The following KCNQ3 variants were observed in gnomAD, a reference collection of about 807,000 sequenced individuals.
The protein encoded by KCNQ3 is potassium voltage-gated channel subfamily Q member 3, also known as potassium voltage-gated channel subfamily KQT member 3.
KCNQ3 carries 30 observed loss-of-function variants against 92.5 expected under a neutral mutation model. That is an observed-to-expected ratio of 0.32 (90% CI 0.24 to 0.44). KCNQ3 has a LOEUF of 0.44. KCNQ3 is among the 20% of genes least tolerant of loss of function. The probability of loss-of-function intolerance (pLI) is 1.00; values close to 1 mark genes in which losing one functional copy is unlikely to be tolerated. For synonymous variants in KCNQ3, 450 were observed against 468.8 expected (o/e 0.96, Z 0.52); for missense variants, 913 against 1,140.3 (o/e 0.80, Z 2.87).
intron 1 of KCNQ3, among the ~76,000 whole-genome samples, chr8:132,448,213 T>A (rs1254824504): frequency 6.6e-6 from 1 of 152,192 alleles, no homozygotes; most frequent in Non-Finnish European, 1.5e-5. Context: ...GAATAAGGGT[T>A]CTGCAGTAGG....
At chr8:132,259,076 A>G (rs1815689098) in intron 1 of KCNQ3, among the ~76,000 whole-genome samples, 1 of 152,218 alleles carries the variant, frequency 6.6e-6, no homozygotes, top group Admixed American at 6.5e-5. Context: ...TCTACCAAAC[A>G]TTAAAAGAAG....
intron 1 of KCNQ3, among the ~76,000 whole-genome samples, chr8:132,477,605 C>A (rs1822444861): frequency 6.6e-6 from 1 of 152,222 alleles, no homozygotes; most frequent in South Asian, 2.1e-4. Context: ...AATGGGAATT[C>A]AACACAGGTT....
intron 9 of KCNQ3, among the ~76,000 whole-genome samples, chr8:132,145,157 A>G (rs900305401): frequency 1.1e-4 from 16 of 152,238 alleles, no homozygotes; most frequent in African/African-American, 3.9e-4. Context: ...ACAAAGAATT[A>G]TCTGTCACAA....
chr8:132,431,417 A>C (rs1403315134), intron 1 of KCNQ3, among the ~76,000 whole-genome samples: 1 of 152,172 alleles, frequency 6.6e-6, no homozygotes, highest in African/African-American at 2.4e-5. Flanking sequence ...ACCTCCTCAG[A>C]GTCGGGGGAC....
intron 1 of KCNQ3, among the ~76,000 whole-genome samples, chr8:132,327,537 C>A (rs753024573): frequency 1.3e-4 from 20 of 152,264 alleles, no homozygotes; most frequent in Non-Finnish European, 2.6e-4. Flanking sequence ...CACTAGAACT[C>A]TCATTCAGCT....
intron 1 of KCNQ3, among the ~76,000 whole-genome samples, chr8:132,212,672 C>T (rs1265705311): frequency 2.6e-5 from 4 of 152,082 alleles, no homozygotes. Context: ...GGAATCCTGG[C>T]TGAAGACTCA....
chr8:132,271,163 G>A (rs1816135874), intron 1 of KCNQ3, among the ~76,000 whole-genome samples: 1 of 152,240 alleles, frequency 6.6e-6, no homozygotes, highest in African/African-American at 2.4e-5. Context: ...AACCCCTTGG[G>A]AGTCTGGGCA....
At chr8:132,442,376 A>G (rs56187070) in intron 1 of KCNQ3, among the ~76,000 whole-genome samples, 6,943 of 152,202 alleles carry the variant, frequency 0.046, 238 homozygotes, top group South Asian at 0.074. Flanking sequence ...GCAAGGGGGT[A>G]ATTTGACATT....
At chr8:132,341,998 T>C (rs1818541962) in intron 1 of KCNQ3, among the ~76,000 whole-genome samples, 1 of 152,196 alleles carries the variant, frequency 6.6e-6, no homozygotes, top group Admixed American at 6.5e-5. Flanking sequence ...TTTCTGCTTG[T>C]TAAGCAAAAC....
chr8:132,358,676 C>CTGGGG (rs60479039), intron 1 of KCNQ3, among the ~76,000 whole-genome samples: 22,111 of 152,152 alleles, frequency 0.15, 2,169 homozygotes, highest in African/African-American at 0.27. Flanking sequence ...TGGTCCCCAG[C>CTGGGG]ACTTCACGTG....
intron 1 of KCNQ3, among the ~76,000 whole-genome samples, chr8:132,274,352 C>A (rs903908778): frequency 2.0e-5 from 3 of 152,152 alleles, no homozygotes; most frequent in African/African-American, 4.8e-5. Context: ...TATCACAGAG[C>A]AGCACAAGAA....
intron 1 of KCNQ3, among the ~76,000 whole-genome samples, chr8:132,301,967 A>G (rs1431455253): frequency 6.6e-6 from 1 of 152,190 alleles, no homozygotes; most frequent in East Asian, 1.9e-4. Flanking sequence ...GAAACAACCA[A>G]AGGAGACCAA....
intron 1 of KCNQ3, among the ~76,000 whole-genome samples, chr8:132,285,481 A>G (rs2130540382): frequency 6.6e-6 from 1 of 152,380 alleles, no homozygotes; most frequent in Admixed American, 6.5e-5. Flanking sequence ...GAGCAATGGA[A>G]TAGCATATCT....
chr8:132,372,250 G>T (rs1819491652), intron 1 of KCNQ3, among the ~76,000 whole-genome samples: 1 of 152,136 alleles, frequency 6.6e-6, no homozygotes, highest in Non-Finnish European at 1.5e-5. Flanking sequence ...CCACTGGTCA[G>T]CTCCATAGGG....
Position 132,324,633 on chromosome 8 carries a change from T to C in KCNQ3, c.387-138452A>G, listed in dbSNP as rs148984645. Among the ~76,000 whole-genome samples the C allele has an allele frequency of 9.8e-3, 1,490 of 152,352 alleles. 14 individuals carry two copies. The highest frequency in any genetic ancestry group is 0.016 in the Admixed American group (239 of 15,304). On this transcript the variant is annotated intron_variant, in intron 1 of 14. Coordinates refer to ENST00000388996, the MANE Select transcript of KCNQ3 (RefSeq NM_004519.4). ...CCTTTTCCATTAAGCAACCATTTGT[T>C]GAGCACATACTATGTGCCAAGCATG...
At chr8:132,277,829 G>C in intron 1 of KCNQ3, 5 of 510,998 alleles carry the variant, frequency 9.8e-6, no homozygotes, top group Non-Finnish European at 1.3e-5. Flanking sequence ...GCCTTAGACT[G>C]AATCTTGCTC....
intron 1 of KCNQ3, among the ~76,000 whole-genome samples, chr8:132,258,694 G>A (rs917015654): frequency 1.3e-4 from 19 of 151,812 alleles, no homozygotes; most frequent in Non-Finnish European, 2.4e-4. Context: ...AAAAACAACA[G>A]AGAAATCAAT....
intron 3 of KCNQ3, among the ~76,000 whole-genome samples, chr8:132,182,892 A>T (rs1826835880): frequency 6.7e-6 from 1 of 149,948 alleles, no homozygotes; most frequent in Non-Finnish European, 1.5e-5. Flanking sequence ...GCACACACAC[A>T]CACACACACA....
At chr8:132,460,521 A>G (rs755712665) in intron 1 of KCNQ3, among the ~76,000 whole-genome samples, 1 of 152,178 alleles carries the variant, frequency 6.6e-6, no homozygotes, top group Non-Finnish European at 1.5e-5. Flanking sequence ...TAACAGTATG[A>G]GAATCATTGA....
Sources: gnomAD v4.1 joint callset for allele counts (sites outside exome capture counted in the v4.1 genomes callset) on GRCh38, gnomAD v4.1.1 for gene constraint, MANE v1.5 for transcripts, NCBI Gene and HGNC (gene_info 2026-07-23, HGNC 2026-07-21) for gene names.